CPD: variants seen among roughly 807,000 people sequenced by gnomAD.
CPD encodes carboxypeptidase D, also known as metallocarboxypeptidase D.
A neutral mutation model predicts 138.3 loss-of-function variants in CPD; 69 were observed. That is an observed-to-expected ratio of 0.50 (90% CI 0.41 to 0.61). The LOEUF (loss-of-function observed/expected upper bound fraction) is 0.61. CPD is among the 20% of genes least tolerant of loss of function. The probability of loss-of-function intolerance (pLI) is 0.00; values close to 1 mark genes in which losing one functional copy is unlikely to be tolerated. For missense variants in CPD, 1,432 were observed against 1,733.3 expected, an observed-to-expected ratio of 0.83 and a Z score of 3.09; for synonymous variants, 651 against 642.1, an observed-to-expected ratio of 1.01 and a Z score of -0.21.
At chr17:30,452,490 T>C (rs1913192630) in intron 14 of CPD, among the ~76,000 whole-genome samples, 1 of 150,762 alleles carries the variant, frequency 6.6e-6, no homozygotes, top group Non-Finnish European at 1.5e-5. Context: ...CAGGCTGGTC[T>C]TGAACTCCCG....
rs573081639 is a variant in CPD, at chr17:30,417,719, T to A, written c.995-3122T>A. Among the ~76,000 whole-genome samples, 36 of 152,338 alleles carry A rather than the reference T, an allele frequency of 2.4e-4. 1 individual carries two copies. In the South Asian group the frequency reaches 6.8e-3, roughly 29 times the overall value. On this transcript the variant is annotated intron_variant, in intron 2 of 20. Transcript: ENST00000225719. ...TTTTACTTGTATCATTGTAAGAAAC[T>A]GCCTAACCGGGCTTTTTGCTTCCAA...
intron 2 of CPD, among the ~76,000 whole-genome samples, chr17:30,414,658 A>T (rs1329479718): frequency 6.6e-6 from 1 of 152,012 alleles, no homozygotes; most frequent in Non-Finnish European, 1.5e-5. Flanking sequence ...ACAGCAATGG[A>T]CATGAGGATG....
At chr17:30,460,378 T>C (rs897373718) in intron 17 of CPD, among the ~76,000 whole-genome samples, 2 of 152,166 alleles carry the variant, frequency 1.3e-5, no homozygotes, top group African/African-American at 4.8e-5. Context: ...AAAACTAATC[T>C]CTAAATAATC....
Position 30,445,812 on chromosome 17 carries a change from A to G in CPD, c.2665A>G (p.Ser889Gly). The G allele has an allele frequency of 6.2e-7, 1 of 1,614,154 alleles. No individual in the cohort carries two copies. The stretch of plus-strand genomic sequence containing the variant: ...ATCAAAGAAAGGAAAAGGGGCTAGC[A>G]GCAGCACCAATGATGCCAGTGATCC... ...NESKKGKGAS[S>G]STNDASDPTT... The change falls in exon 12 of 21, where the codon AGC becomes GGC. Residue 889 changes from serine (S) to glycine (G), a missense_variant. Physicochemically the swap from Ser to Gly is moderately conservative, Grantham distance 56. This residue lies in a region of CPD where 124 missense variants were observed against 117.0 expected (regional missense o/e 1.06). Transcript: ENST00000225719.
At chr17:30,382,312 A>G (rs1378626139) in intron 1 of CPD, among the ~76,000 whole-genome samples, 1 of 152,172 alleles carries the variant, frequency 6.6e-6, no homozygotes, top group Non-Finnish European at 1.5e-5. Context: ...TAATATTTAT[A>G]AACTCATTTG....
rs1465553518 is a variant in CPD at position 30,445,811 on chromosome 17, C to T, written c.2664C>T (p.Ser888=). 5.6e-6 allele frequency: 9 copies of T among 1,613,952 alleles called. No individual in the cohort carries two copies. In the African/African-American group the frequency reaches 1.1e-4, roughly 19 times the overall value. The change falls in exon 12 of 21, where the codon AGC becomes AGT. Residue 888 remains serine, a synonymous_variant. Coordinates refer to ENST00000225719, the MANE Select transcript of CPD (RefSeq NM_001304.5). ...AATCAAAGAAAGGAAAAGGGGCTAG[C>T]AGCAGCACCAATGATGCCAGTGATC... is the stretch of plus-strand genomic sequence containing the variant. ...NNESKKGKGA[S]SSTNDASDPT... is the part of the protein sequence containing the mutation.
intron 6 of CPD, among the ~76,000 whole-genome samples, chr17:30,427,024 A>T (rs1912430936): frequency 1.3e-5 from 2 of 152,082 alleles, no homozygotes; most frequent in African/African-American, 4.8e-5. Context: ...CTACTAATAA[A>T]TACAAAAATT....
intron 14 of CPD, among the ~76,000 whole-genome samples, 192 bp downstream of exon 14, chr17:30,452,038 T>C (rs902394144): frequency 6.6e-6 from 1 of 152,254 alleles, no homozygotes; most frequent in Non-Finnish European, 1.5e-5. Context: ...AAAAATAATT[T>C]AAGTTTTTCA....
At chr17:30,445,440 G>T (rs906845652) in intron 11 of CPD, among the ~76,000 whole-genome samples, 8 of 151,974 alleles carry the variant, frequency 5.3e-5, no homozygotes, top group African/African-American at 1.9e-4. Flanking sequence ...ACTCCAGCCT[G>T]GGTGACAGAG....
intron 20 of CPD, among the ~76,000 whole-genome samples, chr17:30,463,489 G>T (rs188049522): frequency 1.3e-5 from 2 of 152,070 alleles, no homozygotes; most frequent in African/African-American, 4.8e-5. Flanking sequence ...TATTAGTTCC[G>T]CTTTTTCAAG....
At position 30,379,879 on chromosome 17, in the gene CPD, G is replaced by A. The variant is rs1864873481; in HGVS notation, c.746+153G>A. On this transcript the variant is annotated intron_variant, in intron 1 of 20. Coordinates refer to ENST00000225719, the MANE Select transcript of CPD (RefSeq NM_001304.5). This position sits in a 1 kb window ranked among gnomAD's most constrained non-coding sequence, Gnocchi z 7.0. ...CTGTAACGGGGACAGGGCCCAGGCC[G>A]CGTAGCCTCCCGTCCTGCTAATCAT... Among the ~76,000 whole-genome samples the A allele has an allele frequency of 1.3e-5, 2 of 152,344 alleles. No individual in the cohort carries two copies. The highest frequency in any genetic ancestry group is 4.8e-5 in the African/African-American group (2 of 41,586).
At chr17:30,449,376 T>C (rs532253853) in intron 12 of CPD, among the ~76,000 whole-genome samples, 177 bp from the exon 13 acceptor site, 1 of 152,330 alleles carries the variant, frequency 6.6e-6, no homozygotes, top group South Asian at 2.1e-4. Context: ...ATTTGATAAA[T>C]GTTCTTTGGT....
chr17:30,380,437 G>C (rs1404860224), intron 1 of CPD: 60 of 1,229,268 alleles, frequency 4.9e-5, no homozygotes, highest in Non-Finnish European at 6.0e-5. Flanking sequence ...GCACAGATCT[G>C]TGAGCCGCTT....
chr17:30,459,486 C>T (rs923821700), intron 17 of CPD, among the ~76,000 whole-genome samples: 1 of 150,348 alleles, frequency 6.7e-6, no homozygotes, highest in East Asian at 2.0e-4. Context: ...GGTTTTTTGT[C>T]CTTGCGATAG....
Position 30,467,045 on chromosome 17 carries a change from CTA to C in CPD, c.*2235_*2236del, listed in dbSNP as rs1294687314. Reference sequence around the variant, plus strand: ...TGTATAGGATACCTGACTACTAAGACTATATTCTCAGCCCTGCCCTGTCTTTT... The same window carrying C: ...TGTATAGGATACCTGACTACTAAGACTATTCTCAGCCCTGCCCTGTCTTTT... On this transcript the variant is annotated 3_prime_UTR_variant, in exon 21 of 21. Coordinates refer to ENST00000225719, the MANE Select transcript of CPD (RefSeq NM_001304.5). The C allele has an allele frequency of 3.9e-5, 6 of 152,552 alleles. No individual in the cohort carries two copies. The highest frequency in any genetic ancestry group is 9.7e-5 in the African/African-American group (4 of 41,436). The allele number at this position is 152,552 out of a possible 1,614,324, so 9.4% of individuals were successfully genotyped here. A position where few individuals can be genotyped will look rare whatever the true frequency, so the allele number is the denominator to read the frequency against.
chr17:30,408,284 A>G (rs1597714498), intron 2 of CPD, among the ~76,000 whole-genome samples: 1 of 152,188 alleles, frequency 6.6e-6, no homozygotes, highest in Non-Finnish European at 1.5e-5. Context: ...TGTCTTGGCT[A>G]TGCAGGCTCT....
chr17:30,456,974 C>T (rs1381374267), intron 17 of CPD: 1 of 160,786 alleles, frequency 6.2e-6, no homozygotes, highest in Admixed American at 6.1e-5. Context: ...CATGTTTAGC[C>T]CTTACATTAA....
Position 30,379,759 on chromosome 17 carries a change from G to A in CPD, c.746+33G>A. 7.2e-7 allele frequency: 1 copy of A among 1,397,500 alleles called. No homozygotes were observed. The highest frequency in any genetic ancestry group is 9.3e-7 in the Non-Finnish European group (1 of 1,075,020). 86.6% of individuals were successfully genotyped at this position (1,397,500 alleles called of 1,614,324 possible). Reference sequence around the variant, plus strand: ...TTGCCTGCCCCCTCCCCGTCCGTGTGAGCCTCCAAGGGCCGAGGCTGGTTC... The same window carrying A: ...TTGCCTGCCCCCTCCCCGTCCGTGTAAGCCTCCAAGGGCCGAGGCTGGTTC... On this transcript the variant is annotated intron_variant, in intron 1 of 20. Coordinates refer to ENST00000225719, the MANE Select transcript of CPD (RefSeq NM_001304.5). The surrounding 1 kb of genome is among the most constrained non-coding windows in gnomAD (Gnocchi z 7.0).
Position 30,380,172 on chromosome 17 carries a change from TAGACACCATC to T in CPD, c.746+449_746+458del, listed in dbSNP as rs1320833549. The T allele has an allele frequency of 6.5e-5, 11 of 168,494 alleles. No individual in the cohort carries two copies. The South Asian group carries it at 1.5e-3, about 23-fold the overall frequency. The allele number at this position is 168,494 out of a possible 1,614,324, so 10.4% of individuals were successfully genotyped here. A position where few individuals can be genotyped will look rare whatever the true frequency, so the allele number is the denominator to read the frequency against. ...TTATTTTGGCCACAACCTGATGTCA[TAGACACCATC>T]AGTTTTGCATACGGGGAAATTGAGG... On this transcript the variant is annotated intron_variant, in intron 1 of 20. Transcript: ENST00000225719.
Sources: gnomAD v4.1 joint callset for allele counts (sites outside exome capture counted in the v4.1 genomes callset) on GRCh38, gnomAD v4.1.1 for gene constraint, gnomAD v4.1.1 regional missense constraint, Gnocchi (gnomAD v3.1) non-coding constraint, MANE v1.5 for transcripts, NCBI Gene and HGNC (gene_info 2026-07-23, HGNC 2026-07-21) for gene names.